The following GABRB1 variants were observed in gnomAD, a reference collection of about 807,000 sequenced individuals.
GABRB1 encodes gamma-aminobutyric acid type A receptor subunit beta1, also known as gamma-aminobutyric acid receptor subunit beta-1.
GABRB1 carries 17 observed loss-of-function variants against 51.6 expected under a neutral mutation model. The observed-to-expected ratio is 0.33, with a 90% CI of 0.23 to 0.49. GABRB1 has a LOEUF of 0.49. Ranked by LOEUF, GABRB1 falls within the 20% of genes least tolerant of loss-of-function variation. GABRB1 has a pLI of 0.99. For synonymous variants in GABRB1, 247 were observed against 218.9 expected (o/e 1.13, Z -1.14); for missense variants, 410 against 600.6 (o/e 0.68, Z 3.32).
intron 3 of GABRB1, among the ~76,000 whole-genome samples, chr4:47,117,715 T>A (rs960502351): frequency 3.3e-5 from 5 of 152,220 alleles, no homozygotes; most frequent in African/African-American, 1.2e-4. Flanking sequence ...TATAAAATAC[T>A]GTTGAATTTC....
intron 4 of GABRB1, among the ~76,000 whole-genome samples, chr4:47,279,399 C>A (rs969654377): frequency 3.9e-5 from 6 of 151,986 alleles, no homozygotes; most frequent in African/African-American, 9.7e-5. Flanking sequence ...TGTAAGTATT[C>A]AGGATAAATA....
At chr4:47,145,855 G>A (rs1215420315) in intron 3 of GABRB1, among the ~76,000 whole-genome samples, 1 of 152,052 alleles carries the variant, frequency 6.6e-6, no homozygotes, top group East Asian at 1.9e-4. Flanking sequence ...TGACATGAGA[G>A]AAATTGCTCG....
At chr4:47,343,331 A>C (rs10012285) in intron 5 of GABRB1, among the ~76,000 whole-genome samples, 60,560 of 151,856 alleles carry the variant, frequency 0.4, 12,201 homozygotes, top group East Asian at 0.59. Flanking sequence ...GTAGGAGACA[A>C]GTCAGTTTGG....
chr4:47,200,019 G>A (rs141384477), intron 4 of GABRB1, among the ~76,000 whole-genome samples: 487 of 152,170 alleles, frequency 3.2e-3, no homozygotes, highest in African/African-American at 3.7e-3. Flanking sequence ...TACTCTAGCC[G>A]AAGTAATTCA....
At position 47,396,073 on chromosome 4, in the gene GABRB1, T is replaced by C. The variant is rs536864166; in HGVS notation, c.545-7245T>C. ...ATGTATTAGTCTGTTTTCACGCTGC[T>C]GATACACACCCGAGACTGGGCAATT... On this transcript the variant is annotated intron_variant, in intron 5 of 8. Coordinates refer to ENST00000295454, the MANE Select transcript of GABRB1 (RefSeq NM_000812.4). Among the ~76,000 whole-genome samples, 9 of 152,318 alleles carry C rather than the reference T, an allele frequency of 5.9e-5. No homozygotes were observed. In the South Asian group the frequency reaches 1.9e-3, roughly 32 times the overall value.
intron 5 of GABRB1, among the ~76,000 whole-genome samples, chr4:47,344,211 T>C (rs555885502): frequency 1.3e-5 from 2 of 152,338 alleles, no homozygotes; most frequent in Admixed American, 6.5e-5. Flanking sequence ...AGAATACTGC[T>C]AGACCTGGCT....
chr4:47,383,686 C>T (rs1222134686), intron 5 of GABRB1, among the ~76,000 whole-genome samples: 2 of 151,996 alleles, frequency 1.3e-5, no homozygotes, highest in Admixed American at 6.6e-5. Context: ...GCTAAAATAG[C>T]GGGCATATGA....
At chr4:47,300,122 G>T (rs970931650) in intron 4 of GABRB1, among the ~76,000 whole-genome samples, 1 of 150,916 alleles carries the variant, frequency 6.6e-6, no homozygotes. Flanking sequence ...GATAGCATTA[G>T]GAGATATACC....
At position 47,425,394 on chromosome 4, in the gene GABRB1, C is replaced by CAT. The variant is rs1300860723; in HGVS notation, c.1081-279_1081-278insTA. Among the ~76,000 whole-genome samples the CAT allele has an allele frequency of 3.8e-3, 569 of 151,436 alleles. 3 individuals are homozygous for CAT. The highest frequency in any genetic ancestry group is 0.013 in the African/African-American group (548 of 41,206). The stretch of plus-strand genomic sequence containing the variant: ...AAGAAATACCACACACACACACACA[C>CAT]ACACACACACACACACACACACACA... On this transcript the variant is annotated intron_variant, in intron 8 of 8. Transcript: ENST00000295454.
intron 4 of GABRB1, among the ~76,000 whole-genome samples, chr4:47,227,145 G>C (rs1720971433): frequency 6.6e-6 from 1 of 152,042 alleles, no homozygotes; most frequent in African/African-American, 2.4e-5. Flanking sequence ...GTAATTTCTC[G>C]ATCCAGTTAA....
intron 3 of GABRB1, among the ~76,000 whole-genome samples, chr4:47,125,552 A>ATAAT (rs1272768658): frequency 4.4e-5 from 2 of 45,574 alleles, no homozygotes; most frequent in African/African-American, 6.8e-5. Context: ...ACAACAAAGT[A>ATAAT]TAATTTCTTT....
chr4:47,119,641 TG>T (rs1222802419), intron 3 of GABRB1, among the ~76,000 whole-genome samples: 5 of 152,004 alleles, frequency 3.3e-5, no homozygotes, highest in African/African-American at 1.2e-4. Context: ...CCTGAGTAGC[TG>T]GGATTACATG....
chr4:47,228,113 C>T (rs1721016514), intron 4 of GABRB1, among the ~76,000 whole-genome samples: 1 of 152,162 alleles, frequency 6.6e-6, no homozygotes, highest in African/African-American at 2.4e-5. Flanking sequence ...TCTCAAAATT[C>T]ATGTCCTTCT....
At position 47,403,726 on chromosome 4, in the gene GABRB1, G is replaced by A. The variant is rs1323804345; in HGVS notation, c.835+15G>A. ...AGTCGCACTAGGTAATACATTCTCAGCACTGCAGAGAGCTAACAGATTTTA... is the reference window on the plus strand; with the variant it reads ...AGTCGCACTAGGTAATACATTCTCAACACTGCAGAGAGCTAACAGATTTTA... On this transcript the variant is annotated intron_variant, in intron 7 of 8. Coordinates refer to ENST00000295454, the MANE Select transcript of GABRB1 (RefSeq NM_000812.4). 4 of 1,608,724 alleles carry A rather than the reference G, an allele frequency of 2.5e-6. No individual in the cohort carries two copies. The highest frequency in any genetic ancestry group is 1.3e-5 in the African/African-American group (1 of 74,964).
chr4:47,382,574 A>G (rs570527457), intron 5 of GABRB1, among the ~76,000 whole-genome samples: 1 of 152,200 alleles, frequency 6.6e-6, no homozygotes, highest in Non-Finnish European at 1.5e-5. Flanking sequence ...ATTTCCACAG[A>G]GAGAAACTTG....
At chr4:47,031,306 T>TA (rs140732048), upstream of GABRB1, 3,540 of 278,140 alleles carry the variant, frequency 0.013, 109 homozygotes, top group African/African-American at 0.065. Flanking sequence ...GAGCGCCCAG[T>TA]AAAAAAAACA....
chr4:47,246,362 A>G (rs1424397894), intron 4 of GABRB1, among the ~76,000 whole-genome samples: 3 of 33,936 alleles, frequency 8.8e-5, no homozygotes, highest in African/African-American at 5.1e-4. Flanking sequence ...ATATATATAT[A>G]TATATATATA....
intron 5 of GABRB1, among the ~76,000 whole-genome samples, chr4:47,387,426 T>A (rs188601390): frequency 6.6e-6 from 1 of 152,270 alleles, no homozygotes; most frequent in African/African-American, 2.4e-5. Flanking sequence ...AAGCCAAGAT[T>A]GTGCCACTGC....
At chr4:47,187,625 CCA>C (rs1371859090) in intron 4 of GABRB1, among the ~76,000 whole-genome samples, 1 of 151,868 alleles carries the variant, frequency 6.6e-6, no homozygotes, top group African/African-American at 2.4e-5. Context: ...AATAACTGCT[CCA>C]CAGTCTGTTA....
Sources: allele counts gnomAD v4.1 joint callset (sites outside exome capture counted in the v4.1 genomes callset), GRCh38; gene constraint gnomAD v4.1.1; transcripts MANE v1.5; gene names NCBI Gene and HGNC (gene_info 2026-07-23, HGNC 2026-07-21).